The following MCU variants were observed in gnomAD, a reference collection of about 807,000 sequenced individuals.
MCU encodes mitochondrial calcium uniporter.
MCU carries 12 observed loss-of-function variants against 45.2 expected under a neutral mutation model. That is an observed-to-expected ratio of 0.27 (90% CI 0.17 to 0.43). The LOEUF (loss-of-function observed/expected upper bound fraction) is 0.43, where lower values mean the gene tolerates loss of function less well. Among genes scored for constraint, MCU ranks in the 20% least tolerant of loss-of-function variants. The pLI, the probability that MCU is intolerant of heterozygous loss-of-function variation, is 1.00. For synonymous variants in MCU, 160 were observed against 165.1 expected (o/e 0.97, Z 0.24); for missense variants, 324 against 436.7 (o/e 0.74, Z 2.30).
intron 1 of MCU, among the ~76,000 whole-genome samples, chr10:72,707,273 A>G (rs1385621921): frequency 1.4e-5 from 2 of 143,704 alleles, no homozygotes; most frequent in Non-Finnish European, 3.0e-5. Flanking sequence ...ATCTTGGCTC[A>G]CTGCAACCTC....
At chr10:72,789,994 A>G (rs1478140074) in intron 1 of MCU, among the ~76,000 whole-genome samples, 1 of 152,206 alleles carries the variant, frequency 6.6e-6, no homozygotes, top group Non-Finnish European at 1.5e-5. Context: ...TACATGGTCC[A>G]CTAGCCATTT....
At chr10:72,784,826 A>G (rs1267238057) in intron 1 of MCU, among the ~76,000 whole-genome samples, 1 of 152,134 alleles carries the variant, frequency 6.6e-6, no homozygotes, top group Non-Finnish European at 1.5e-5. Context: ...AATCCCTCCT[A>G]CCAAGAGTAT....
rs60515928 is a variant in MCU at position 72,849,275 on chromosome 10, CAAAAAAAAA to C, written c.221-9890_221-9882del. On this transcript the variant is annotated intron_variant, in intron 2 of 7. Transcript: ENST00000373053. ...CAGCGTGGGTGATAGAGCAAGACTC[CAAAAAAAAA>C]AAAAAAAAAAATCGAATGAAAGCAC... Among the ~76,000 whole-genome samples, 235 of 109,714 alleles carry C rather than the reference CAAAAAAAAA, an allele frequency of 2.1e-3. 1 individual carries two copies. The highest frequency in any genetic ancestry group is 7.7e-3 in the African/African-American group (227 of 29,372). 72.0% of individuals were successfully genotyped at this position (109,714 alleles called of 152,430 possible).
At chr10:72,843,527 G>A (rs1197484247) in intron 2 of MCU, among the ~76,000 whole-genome samples, 1 of 152,122 alleles carries the variant, frequency 6.6e-6, no homozygotes, top group African/African-American at 2.4e-5. Context: ...TGTTATCTGG[G>A]TGTACCACAA....
chr10:72,796,344 C>T lies in MCU; in HGVS notation c.151-38015C>T, dbSNP rs78335622. On this transcript the variant is annotated intron_variant, in intron 1 of 7. Coordinates refer to ENST00000373053, the MANE Select transcript of MCU (RefSeq NM_138357.3). Reference sequence around the variant, plus strand: ...GTCTTACCTGCATGGGAGGCAGAGTCCAGGAATTCGAGGCTGCAGTGAGCT... The same window carrying T: ...GTCTTACCTGCATGGGAGGCAGAGTTCAGGAATTCGAGGCTGCAGTGAGCT... 5.1e-3 allele frequency among the ~76,000 whole-genome samples: 776 copies of T among 152,082 alleles called. 5 individuals carry two copies. The highest frequency in any genetic ancestry group is 0.018 in the African/African-American group (742 of 41,472).
At chr10:72,707,790 A>G (rs891150484) in intron 1 of MCU, among the ~76,000 whole-genome samples, 5 of 152,058 alleles carry the variant, frequency 3.3e-5, no homozygotes, top group Non-Finnish European at 5.9e-5. Flanking sequence ...TATTTTTGTC[A>G]GTTAAATAAG....
intron 1 of MCU, chr10:72,692,532 G>T (rs982237998): frequency 1.9e-6 from 2 of 1,053,118 alleles, no homozygotes; most frequent in Non-Finnish European, 2.3e-6. Flanking sequence ...CGGCGGGGAT[G>T]TTCCCGCAGG....
intron 1 of MCU, among the ~76,000 whole-genome samples, chr10:72,738,350 T>C (rs1056362186): frequency 2.0e-5 from 3 of 152,196 alleles, no homozygotes; most frequent in Non-Finnish European, 4.4e-5. Context: ...ATAAAGTAAG[T>C]ATATCCTACA....
In MCU at chr10:72,886,237, A is replaced by G. The variant is rs1383377140; in HGVS notation, c.*415A>G. 1 of 155,128 alleles carries G rather than the reference A, an allele frequency of 6.4e-6. No individual in the cohort carries two copies. Among genetic ancestry groups the G allele is most frequent in the African/African-American group, 2.4e-5 (1 of 41,520 alleles). The allele number at this position is 155,128 out of a possible 1,614,324, so 9.6% of individuals were successfully genotyped here. On this transcript the variant is annotated 3_prime_UTR_variant, in exon 8 of 8. Transcript: ENST00000373053. ...CTATTTTTGACATAGGAGTAAATAAATATACTAGAAAAGCAAATTCTCATG... is the reference window on the plus strand; with the variant it reads ...CTATTTTTGACATAGGAGTAAATAAGTATACTAGAAAAGCAAATTCTCATG...
chr10:72,845,624 A>G (rs1040236190), intron 2 of MCU, among the ~76,000 whole-genome samples: 1 of 152,332 alleles, frequency 6.6e-6, no homozygotes, highest in Non-Finnish European at 1.5e-5. Flanking sequence ...CCTAAGAGCA[A>G]TACCTAGATA....
At chr10:72,806,794 G>A (rs192162285) in intron 1 of MCU, among the ~76,000 whole-genome samples, 1 of 152,340 alleles carries the variant, frequency 6.6e-6, no homozygotes, top group East Asian at 1.9e-4. Context: ...AAACCTGAAT[G>A]ATGAGAAGGA....
intron 1 of MCU, among the ~76,000 whole-genome samples, chr10:72,806,886 AGCTTG>A (rs1486250885): frequency 6.6e-6 from 1 of 152,254 alleles, no homozygotes; most frequent in African/African-American, 2.4e-5. Flanking sequence ...GCCAGAAGCA[AGCTTG>A]GCCAGTTCAA....
intron 1 of MCU, among the ~76,000 whole-genome samples, chr10:72,827,732 A>G (rs1454225952): frequency 6.6e-6 from 1 of 152,094 alleles, no homozygotes; most frequent in Non-Finnish European, 1.5e-5. Context: ...ACTTTCCTTA[A>G]GTGAAACCAG....
chr10:72,886,913 A>T lies in MCU; in HGVS notation c.*1091A>T, dbSNP rs1845783317. On this transcript the variant is annotated 3_prime_UTR_variant, in exon 8 of 8. Transcript: ENST00000373053. Reference sequence around the variant, plus strand: ...ATCTCAAAGGGTGCAATTTATCTTTATATAGGAATACATTTCTAGGGCTTC... The same window carrying T: ...ATCTCAAAGGGTGCAATTTATCTTTTTATAGGAATACATTTCTAGGGCTTC... 6.6e-6 allele frequency: 1 copy of T among 151,520 alleles called. No individual in the cohort carries two copies. The highest frequency in any genetic ancestry group is 6.6e-5 in the Admixed American group (1 of 15,196). The allele number at this position is 151,520 out of a possible 1,614,324, so 9.4% of individuals were successfully genotyped here. A position where few individuals can be genotyped will look rare whatever the true frequency, so the allele number is the denominator to read the frequency against.
intron 1 of MCU, among the ~76,000 whole-genome samples, chr10:72,709,368 A>G (rs961576076): frequency 6.6e-6 from 1 of 152,252 alleles, no homozygotes; most frequent in Non-Finnish European, 1.5e-5. Context: ...GTATTTAAAG[A>G]TAGATTGAGT....
chr10:72,793,150 T>C (rs1235939380), intron 1 of MCU, among the ~76,000 whole-genome samples: 1 of 152,148 alleles, frequency 6.6e-6, no homozygotes, highest in Non-Finnish European at 1.5e-5. Flanking sequence ...GTGCTGGGAT[T>C]ACAGGTGTGA....
chr10:72,797,019 A>G (rs973257457), intron 1 of MCU, among the ~76,000 whole-genome samples: 3 of 152,018 alleles, frequency 2.0e-5, no homozygotes, highest in African/African-American at 4.8e-5. Context: ...TTGCATGGAC[A>G]TTTGATAAGA....
intron 1 of MCU, among the ~76,000 whole-genome samples, chr10:72,796,229 A>G (rs959969965): frequency 2.0e-5 from 3 of 152,180 alleles, no homozygotes; most frequent in Non-Finnish European, 2.9e-5. Context: ...GCTTGAGGAC[A>G]GGAGCTTGAG....
intron 1 of MCU, among the ~76,000 whole-genome samples, chr10:72,754,946 C>G (rs994444008): frequency 6.6e-6 from 1 of 152,210 alleles, no homozygotes; most frequent in Non-Finnish European, 1.5e-5. Context: ...GTTATAACCT[C>G]ACATATTTCA....
Sources: gnomAD v4.1 joint callset for allele counts (sites outside exome capture counted in the v4.1 genomes callset) on GRCh38, gnomAD v4.1.1 for gene constraint, MANE v1.5 for transcripts, NCBI Gene and HGNC (gene_info 2026-07-23, HGNC 2026-07-21) for gene names.